Variants in SEM1 observed in about 807,000 individuals in gnomAD.
SEM1 encodes the protein 26S proteasome complex subunit SEM1.
In SEM1, 3 loss-of-function variants were observed where a neutral mutation model predicts 12.7. The ratio of observed to expected loss-of-function variants is 0.24; its 90% CI spans 0.11 to 0.61. The LOEUF (loss-of-function observed/expected upper bound fraction) is 0.61. Among genes scored for constraint, SEM1 ranks in the 20% least tolerant of loss-of-function variants. The probability of loss-of-function intolerance (pLI) is 0.88; values close to 1 mark genes in which losing one functional copy is unlikely to be tolerated. For missense variants in SEM1, 59 were observed against 81.3 expected (o/e 0.73, Z 1.06); for synonymous variants, 30 against 27.8 (o/e 1.08, Z -0.25).
intron 2 of SEM1, among the ~76,000 whole-genome samples, chr7:96,663,882 A>G (rs1789084679): frequency 6.6e-6 from 1 of 152,242 alleles, no homozygotes; most frequent in African/African-American, 2.4e-5. Flanking sequence ...CAAAATATAT[A>G]GTCCAAAAGT....
chr7:96,650,494 A>T, intron 2 of SEM1: 1 of 756,564 alleles, frequency 1.3e-6, no homozygotes, highest in Non-Finnish European at 2.4e-6. Flanking sequence ...CCATTTAGGG[A>T]GACAGCTCAG....
chr7:96,622,774 T>C, intron 2 of SEM1: 1 of 626,400 alleles, frequency 1.6e-6, no homozygotes, highest in South Asian at 1.9e-5. Flanking sequence ...GTGCTAGTCA[T>C]GTAATGCATG....
chr7:96,596,809 G>C (rs1404594424), intron 2 of SEM1, among the ~76,000 whole-genome samples: 1 of 152,042 alleles, frequency 6.6e-6, no homozygotes, highest in Non-Finnish European at 1.5e-5. Flanking sequence ...TATAACAAAG[G>C]CAACATTTTT....
exon 3 of SEM1, chr7:96,622,578 T>G (rs548545927): frequency 1.3e-6 from 1 of 764,302 alleles, no homozygotes; most frequent in South Asian, 1.3e-5. Flanking sequence ...GCATGATCAA[T>G]GTGAAGCCTG....
At chr7:96,633,227 C>A (rs1368212609) in intron 2 of SEM1, among the ~76,000 whole-genome samples, 1 of 151,962 alleles carries the variant, frequency 6.6e-6, no homozygotes, top group Non-Finnish European at 1.5e-5. Flanking sequence ...GGAAAAACAC[C>A]TTTAATTGTC....
At chr7:96,542,722 G>A (rs1364870219) in intron 2 of SEM1, among the ~76,000 whole-genome samples, 2 of 151,710 alleles carry the variant, frequency 1.3e-5, no homozygotes, top group African/African-American at 4.8e-5. Flanking sequence ...TGATAACGAG[G>A]GTGTAGGAAC....
intron 1 of SEM1, among the ~76,000 whole-genome samples, chr7:96,701,843 C>A (rs1010919360): frequency 5.3e-5 from 8 of 152,052 alleles, no homozygotes; most frequent in Admixed American, 2.0e-4. Context: ...TGGCATAACC[C>A]TTCTCAAAGG....
intron 2 of SEM1, among the ~76,000 whole-genome samples, chr7:96,633,724 A>G (rs1808343356): frequency 6.6e-6 from 1 of 152,142 alleles, no homozygotes; most frequent in African/African-American, 2.4e-5. Context: ...CATTTATATA[A>G]AAGTCATTAT....
chr7:96,605,620 T>C (rs1302443030), intron 2 of SEM1, among the ~76,000 whole-genome samples: 2 of 152,212 alleles, frequency 1.3e-5, no homozygotes, highest in African/African-American at 2.4e-5. Context: ...CAAGTCCTTT[T>C]ACCAGTTGAA....
intron 2 of SEM1, among the ~76,000 whole-genome samples, chr7:96,613,188 A>G (rs1394009577): frequency 6.6e-6 from 1 of 152,200 alleles, no homozygotes; most frequent in Non-Finnish European, 1.5e-5. Context: ...TATTGTAGAT[A>G]ACTGATAGCT....
chr7:96,590,918 GA>G (rs920782582), intron 2 of SEM1, among the ~76,000 whole-genome samples: 1 of 152,152 alleles, frequency 6.6e-6, no homozygotes, highest in Admixed American at 6.5e-5. Context: ...GAATGCATAT[GA>G]AAAAGGACCC....
At chr7:96,551,224 C>A (rs1021499421) in intron 2 of SEM1, among the ~76,000 whole-genome samples, 1 of 152,146 alleles carries the variant, frequency 6.6e-6, no homozygotes, top group African/African-American at 2.4e-5. Flanking sequence ...TACCAAAATT[C>A]ATTGAGCATA....
chr7:96,615,655 G>A (rs1015192961), intron 2 of SEM1, among the ~76,000 whole-genome samples: 16 of 152,114 alleles, frequency 1.1e-4, no homozygotes, highest in South Asian at 2.1e-4. Flanking sequence ...TGTATATTGC[G>A]TAGTAGAGAA....
rs35050259 is a variant in SEM1, at chr7:96,708,943, TAA to T, written c.76+743_76+744del. 1.6e-4 allele frequency among the ~76,000 whole-genome samples: 24 copies of T among 149,336 alleles called. No individual in the cohort carries two copies. The East Asian group carries it at 3.3e-3, about 21-fold the overall frequency. On this transcript the variant is annotated intron_variant, in intron 1 of 2. Transcript: ENST00000248566. ...AAAACCAGGTCTTTAGTTTTGAAGC[TAA>T]AAAAAAAAATGTGTAAGGTTTAGGT...
At chr7:96,684,403 G>GT, downstream of SEM1, among the ~76,000 whole-genome samples, 1 of 151,950 alleles carries the variant, frequency 6.6e-6, no homozygotes, top group Non-Finnish European at 1.5e-5. Context: ...GCTGGGAATG[G>GT]TGTTGGCTTG....
chr7:96,515,639 A>G (rs113016344), intron 2 of SEM1, among the ~76,000 whole-genome samples: 2 of 152,306 alleles, frequency 1.3e-5, no homozygotes, highest in African/African-American at 2.4e-5. Flanking sequence ...ATGTCCATCA[A>G]TGATAGACTG....
At chr7:96,528,689 T>C (rs908344677) in intron 2 of SEM1, among the ~76,000 whole-genome samples, 49 of 152,256 alleles carry the variant, frequency 3.2e-4, no homozygotes, top group Non-Finnish European at 6.2e-4. Flanking sequence ...GCAGCATTCA[T>C]ATCACCTGGG....
intron 2 of SEM1, among the ~76,000 whole-genome samples, chr7:96,648,424 A>G (rs909882806): frequency 2.6e-5 from 4 of 152,222 alleles, no homozygotes; most frequent in African/African-American, 9.6e-5. Context: ...GAGTTCTAAC[A>G]TGACTTTTAA....
intron 2 of SEM1, among the ~76,000 whole-genome samples, chr7:96,562,958 G>C (rs767878023): frequency 6.6e-6 from 1 of 152,164 alleles, no homozygotes; most frequent in Non-Finnish European, 1.5e-5. Context: ...GCTATCCCAA[G>C]TATGAAGGAA....
Sources: allele counts gnomAD v4.1 joint callset (sites outside exome capture counted in the v4.1 genomes callset), GRCh38; gene constraint gnomAD v4.1.1; transcripts MANE v1.5; gene names NCBI Gene and HGNC (gene_info 2026-07-23, HGNC 2026-07-21).